ECEL1: variants seen among roughly 807,000 people sequenced by gnomAD.
ECEL1 encodes endothelin converting enzyme like 1.
Under a neutral mutation model 101.8 loss-of-function variants are expected in ECEL1, and 87 were observed. That is an observed-to-expected ratio of 0.85 (90% confidence interval 0.72 to 1.02). The LOEUF (loss-of-function observed/expected upper bound fraction) is 1.02. Ranked by LOEUF, ECEL1 falls within the 50% of genes least tolerant of loss-of-function variation. The pLI is 0.00. For missense variants in ECEL1, 1,032 were observed against 1,079.2 expected (o/e 0.96, Z 0.61); for synonymous variants, 487 against 468.7 (o/e 1.04, Z -0.50).
In ECEL1 at chr2:232,485,259, C is replaced by G. The variant is rs754935088; in HGVS notation, c.795G>C (p.Gln265His). ...TCCTCTCTGGCAGGGTGAGCCCATC[C>G]TGGTCAATCTGGGGAGGGAGACAGG... ...NSSRYVIRID[Q>H]DGLTLPERTL... Residue 265 changes from glutamine (Q) to histidine (H), a missense_variant, in exon 3 of 18, where the codon CAG becomes CAC. Transcript: ENST00000304546. 1.9e-6 allele frequency: 3 copies of G among 1,613,272 alleles called. No homozygotes were observed. The African/African-American group carries it at 4.0e-5, about 22-fold the overall frequency.
At position 232,485,060 on chromosome 2, in the gene ECEL1, C is replaced by A. The variant is rs1489512422; in HGVS notation, c.887G>T (p.Arg296Leu). 2 of 1,612,162 alleles carry A rather than the reference C, an allele frequency of 1.2e-6. No individual in the cohort carries two copies. The highest frequency in any genetic ancestry group is 2.7e-5 in the African/African-American group (2 of 74,916). The change falls in exon 4 of 18, where the codon CGA becomes CTA. Residue 296 changes from arginine to leucine, a missense_variant. Coordinates refer to ENST00000304546, the MANE Select transcript of ECEL1 (RefSeq NM_004826.4). ...ILAAYRVFME[R>L]VLSLLGADAV... ...GTCTGCACCCAGGAGGCTGAGCACTCGCTCCATGAACACCCTGTATGCTGC... is the reference window on the plus strand; with the variant it reads ...GTCTGCACCCAGGAGGCTGAGCACTAGCTCCATGAACACCCTGTATGCTGC...
Position 232,485,190 on chromosome 2 carries a change from C to T in ECEL1, c.855+9G>A. The T allele has an allele frequency of 6.2e-7, 1 of 1,613,562 alleles. No individual in the cohort carries two copies. The highest frequency in any genetic ancestry group is 8.5e-7 in the Non-Finnish European group (1 of 1,179,978). ...GCCTTCCCTGCCTCCCCATCCCATGCCCCAGCACCTTCTCACTGTCCTCAT... is the reference window on the plus strand; with the variant it reads ...GCCTTCCCTGCCTCCCCATCCCATGTCCCAGCACCTTCTCACTGTCCTCAT... On this transcript the variant is annotated intron_variant, in intron 3 of 17. Transcript: ENST00000304546.
In ECEL1 at chr2:232,486,223, T is replaced by C; in HGVS notation, c.431A>G (p.Lys144Arg). The C allele has an allele frequency of 1.2e-6, 2 of 1,601,522 alleles. No homozygotes were observed. The highest frequency in any genetic ancestry group is 1.7e-5 in the Admixed American group (1 of 59,840). The change falls in exon 2 of 18, where the codon AAG becomes AGG. Residue 144 changes from lysine to arginine, a missense_variant. Coordinates refer to ENST00000304546, the MANE Select transcript of ECEL1 (RefSeq NM_004826.4). The stretch of plus-strand genomic sequence containing the variant: ...GGCCGCGATGGTGCCATAGGTGAGC[T>C]TGTCGTCGGGGATGGCGTGGCGCCG... ...WLRRHAIPDD[K>R]LTYGTIAAIG... is the part of the protein sequence containing the mutation.
intron 2 of ECEL1, among the ~76,000 whole-genome samples, chr2:232,485,472 T>C (rs1156798522): frequency 6.6e-6 from 1 of 152,146 alleles, no homozygotes; most frequent in Non-Finnish European, 1.5e-5. Flanking sequence ...TGCCCAATCT[T>C]ACCCCTGTAC....
intron 12 of ECEL1, among the ~76,000 whole-genome samples, chr2:232,482,197 A>T (rs1451042016): frequency 6.6e-6 from 1 of 152,188 alleles, no homozygotes; most frequent in African/African-American, 2.4e-5. Flanking sequence ...TGAGCCTCAA[A>T]CAAGTAAAGA....
In ECEL1 at chr2:232,486,121, C is replaced by A. The variant is rs1365728368; in HGVS notation, c.533G>T (p.Arg178Leu). 1 of 1,569,010 alleles carries A rather than the reference C, an allele frequency of 6.4e-7. No individual in the cohort carries two copies. The highest frequency in any genetic ancestry group is 1.2e-5 in the South Asian group (1 of 86,448). The change falls in exon 2 of 18, where the codon CGC becomes CTC. Residue 178 changes from arginine (R) to leucine (L), a missense_variant. Coordinates refer to ENST00000304546, the MANE Select transcript of ECEL1 (RefSeq NM_004826.4). ...PGGGPGGAAQ[R>L]KVRAFFRSCL... ...CGAGCGGAAGAAGGCGCGCACCTTG[C>A]GCTGGGCCGCGCCGCCAGGCCCACC...
chr2:232,486,766 G>A lies in ECEL1; in HGVS notation c.-101-12C>T. The A allele has an allele frequency of 8.6e-7, 1 of 1,160,222 alleles. No homozygotes were observed. Among genetic ancestry groups the A allele is most frequent in the Non-Finnish European group, 1.1e-6 (1 of 911,278 alleles). The allele number at this position is 1,160,222 out of a possible 1,614,324, so 71.9% of individuals were successfully genotyped here. A position where few individuals can be genotyped will look rare whatever the true frequency, so the allele number is the denominator to read the frequency against. ...CCCTGGGGCCGCAGCTGCGGGAAGG[G>A]CGGAAGCAGGCTCAGGAGGCGCCGC... is the stretch of plus-strand genomic sequence containing the variant. On this transcript the variant is annotated splice_polypyrimidine_tract_variant and intron_variant, in intron 1 of 17. Coordinates refer to ENST00000304546, the MANE Select transcript of ECEL1 (RefSeq NM_004826.4).
intron 10 of ECEL1, 83 bp from the exon 11 acceptor site, chr2:232,482,691 T>C: frequency 6.5e-7 from 1 of 1,538,720 alleles, no homozygotes. Flanking sequence ...GTCAGCCATC[T>C]CCTGACAGTC....
Position 232,480,114 on chromosome 2 carries a change from G to A in ECEL1, c.*39C>T, listed in dbSNP as rs370638414. 384 of 1,599,704 alleles carry A rather than the reference G, an allele frequency of 2.4e-4. 2 individuals carry two copies. The Middle Eastern group carries it at 2.7e-3, about 11-fold the overall frequency. ...CCCGGTAGCCAGCAGGAGGTGATTC[G>A]TGCGGGGGCAGTGGGGGCGTGCAGG... On this transcript the variant is annotated 3_prime_UTR_variant, in exon 18 of 18. Coordinates refer to ENST00000304546, the MANE Select transcript of ECEL1 (RefSeq NM_004826.4).
At chr2:232,483,883 G>A (rs112887919) in intron 7 of ECEL1, 118 bp downstream of exon 7, 2 of 1,156,760 alleles carry the variant, frequency 1.7e-6, no homozygotes, top group African/African-American at 1.5e-5. Flanking sequence ...TACTTAGCAG[G>A]GCCTGGTCCC....
At position 232,486,606 on chromosome 2, in the gene ECEL1, C is replaced by T. The variant is rs1292425362; in HGVS notation, c.48G>A (p.Glu16=). 2 of 1,510,728 alleles carry T rather than the reference C, an allele frequency of 1.3e-6. No homozygotes were observed. The highest frequency in any genetic ancestry group is 1.8e-6 in the Non-Finnish European group (2 of 1,139,248). 93.6% of individuals were successfully genotyped at this position (1,510,728 alleles called of 1,614,324 possible). A position where few individuals can be genotyped will look rare whatever the true frequency, so the allele number is the denominator to read the frequency against. ...SLTAHYDEFQ[E]VKYVSRCGAG... is the part of the protein sequence containing the mutation. Reference sequence around the variant, plus strand: ...CGCCGCAGCGGCTCACGTACTTGACCTCTTGGAACTCATCGTAGTGCGCCG... The same window carrying T: ...CGCCGCAGCGGCTCACGTACTTGACTTCTTGGAACTCATCGTAGTGCGCCG... The change falls in exon 2 of 18, where the codon GAG becomes GAA. Residue 16 remains glutamate (E), a synonymous_variant. Transcript: ENST00000304546.
rs755447239 is a variant in ECEL1, at chr2:232,485,911, G to A, written c.743C>T (p.Thr248Met). ...VYSAAALFSL[T>M]VSLDDRNSSR... is the part of the protein sequence containing the mutation. ...GGAGTTCCTGTCGTCCAGGCTGACC[G>A]TGAGCGAGAAGAGCGCGGCGGCGCT... is the stretch of plus-strand genomic sequence containing the variant. Residue 248 changes from threonine to methionine, a missense_variant, in exon 2 of 18, where the codon ACG becomes ATG. By Grantham distance (81) the Thr-to-Met change is moderately conservative (BLOSUM62 -1). Coordinates refer to ENST00000304546, the MANE Select transcript of ECEL1 (RefSeq NM_004826.4). The A allele has an allele frequency of 7.0e-6, 11 of 1,572,952 alleles. No homozygotes were observed. Among genetic ancestry groups the A allele is most frequent in the South Asian group, 4.6e-5 (4 of 86,588 alleles).
In ECEL1 at chr2:232,484,204, C is replaced by T. The variant is rs1690661267; in HGVS notation, c.1204G>A (p.Val402Met). 6.2e-7 allele frequency: 1 copy of T among 1,612,476 alleles called. No homozygotes were observed. Among genetic ancestry groups the T allele is most frequent in the South Asian group, 1.1e-5 (1 of 91,022 alleles). The change falls in exon 7 of 18, where the codon GTG (valine) becomes ATG (methionine). Residue 402 changes from valine (V) to methionine (M), a missense_variant. By Grantham distance (21) the Val-to-Met change is conservative (BLOSUM62 1). Coordinates refer to ENST00000304546, the MANE Select transcript of ECEL1 (RefSeq NM_004826.4). ...TPHRVLHNYL[V>M]WRVVVVLSEH... is the part of the protein sequence containing the mutation. ...CTCAGGACCACCACCACGCGCCACACCAGGTAGTTGTGCAGGACCCTGGGG... is the reference window on the plus strand; with the variant it reads ...CTCAGGACCACCACCACGCGCCACATCAGGTAGTTGTGCAGGACCCTGGGG...
Position 232,486,535 on chromosome 2 carries a change from C to T in ECEL1, c.119G>A (p.Gly40Asp). 1 of 1,345,970 alleles carries T rather than the reference C, an allele frequency of 7.4e-7. No individual in the cohort carries two copies. The highest frequency in any genetic ancestry group is 9.4e-7 in the Non-Finnish European group (1 of 1,058,510). 83.4% of individuals were successfully genotyped at this position (1,345,970 alleles called of 1,614,324 possible). The change falls in exon 2 of 18, where the codon GGC becomes GAC. Residue 40 changes from glycine to aspartate, a missense_variant. Physicochemically the swap from Gly to Asp is moderately conservative, Grantham distance 94. Coordinates refer to ENST00000304546, the MANE Select transcript of ECEL1 (RefSeq NM_004826.4). ...GASLPPGFPLGAARSATGARS... is the reference protein window; with the variant it reads ...GASLPPGFPLDAARSATGARS... ...GGCCCCGGTGGCGCTGCGCGCAGCG[C>T]CCAACGGGAAGCCCGGGGGCAGGGA...
In ECEL1 at chr2:232,483,401, T is replaced by A. The variant is rs775413139; in HGVS notation, c.1506+15A>T. The A allele has an allele frequency of 6.3e-7, 1 of 1,595,370 alleles. No individual in the cohort carries two copies. The highest frequency in any genetic ancestry group is 8.5e-7 in the Non-Finnish European group (1 of 1,172,486). On this transcript the variant is annotated intron_variant, in intron 8 of 17. Transcript: ENST00000304546. ...TATATATGGGACCAACCAATGACAC[T>A]GGGTCCCCCCTCACCTTGGCCCGAG...
intron 15 of ECEL1, 38 bp from the exon 16 acceptor site, chr2:232,480,851 C>A: frequency 6.4e-7 from 1 of 1,564,458 alleles, no homozygotes; most frequent in Non-Finnish European, 8.7e-7. Flanking sequence ...TATGCCCGCC[C>A]ACCCTGGGCA....
chr2:232,483,943 G>A (rs1382629944), intron 7 of ECEL1, 58 bp downstream of exon 7: 34 of 1,521,028 alleles, frequency 2.2e-5, no homozygotes, highest in South Asian at 7.6e-5. Flanking sequence ...CCATGGCCTC[G>A]GGAGGGCTCC....
At chr2:232,483,887 T>C in intron 7 of ECEL1, 114 bp downstream of exon 7, 2 of 1,185,270 alleles carry the variant, frequency 1.7e-6, no homozygotes, top group Non-Finnish European at 2.4e-6. Flanking sequence ...TAGCAGGGCC[T>C]GGTCCCCCTG....
chr2:232,480,333 C>T, intron 17 of ECEL1, 66 bp downstream of exon 17: 1 of 1,612,360 alleles, frequency 6.2e-7, no homozygotes, highest in Non-Finnish European at 8.5e-7. Context: ...TTTATTCCTT[C>T]CCATGCCCCC....
Sources: allele counts gnomAD v4.1 joint callset (sites outside exome capture counted in the v4.1 genomes callset), GRCh38; gene constraint gnomAD v4.1.1; transcripts MANE v1.5; gene names NCBI Gene and HGNC (gene_info 2026-07-23, HGNC 2026-07-21).